PACS1: variants seen among roughly 807,000 people sequenced by gnomAD.
The protein encoded by PACS1 is phosphofurin acidic cluster sorting protein 1.
PACS1 carries 24 observed loss-of-function variants against 115.0 expected under a neutral mutation model. That is an observed-to-expected ratio of 0.21 (90% confidence interval 0.15 to 0.29). The LOEUF is 0.29. Among genes scored for constraint, PACS1 ranks in the 10% least tolerant of loss-of-function variants. The pLI is 1.00. For synonymous variants in PACS1, 453 were observed against 504.5 expected, an observed-to-expected ratio of 0.90 and a Z score of 1.37; for missense variants, 838 against 1,251.2, an observed-to-expected ratio of 0.67 and a Z score of 4.98.
rs550757996 is a variant in PACS1 at position 66,149,396 on chromosome 11, C to T, written c.357-44090C>T. ...TGTGAGCCACCATCCCCAGCCAACA[C>T]GCACTTTTTTTTCTTCAGCCTTTTA... On this transcript the variant is annotated intron_variant, in intron 1 of 23. Transcript: ENST00000320580. Among the ~76,000 whole-genome samples the T allele has an allele frequency of 1.8e-4, 28 of 152,044 alleles. No homozygotes were observed. In the South Asian group the frequency reaches 2.7e-3, roughly 15 times the overall value.
intron 2 of PACS1, among the ~76,000 whole-genome samples, chr11:66,203,201 A>G (rs1310083183): frequency 1.3e-5 from 2 of 152,184 alleles, no homozygotes; most frequent in South Asian, 2.1e-4. Flanking sequence ...TAGCATTTCT[A>G]TATGTCAACA....
chr11:66,108,269 C>A (rs1257527581), intron 1 of PACS1, among the ~76,000 whole-genome samples: 1 of 152,134 alleles, frequency 6.6e-6, no homozygotes, highest in Non-Finnish European at 1.5e-5. Flanking sequence ...TGTGGCCTTT[C>A]CTCTGTGCAC....
chr11:66,110,793 T>C (rs1420254702), intron 1 of PACS1, among the ~76,000 whole-genome samples: 2 of 152,120 alleles, frequency 1.3e-5, no homozygotes. Flanking sequence ...GGTCATGAAC[T>C]CCTGACCTCA....
Position 66,244,460 on chromosome 11 carries a change from C to G in PACS1, c.*1180C>G, listed in dbSNP as rs1385194302. 6.6e-6 allele frequency: 1 copy of G among 152,364 alleles called. No homozygotes were observed. Among genetic ancestry groups the G allele is most frequent in the East Asian group, 1.9e-4 (1 of 5,196 alleles). The allele number at this position is 152,364 out of a possible 1,614,324, so 9.4% of individuals were successfully genotyped here. On this transcript the variant is annotated 3_prime_UTR_variant, in exon 24 of 24. Coordinates refer to ENST00000320580, the MANE Select transcript of PACS1 (RefSeq NM_018026.4). The stretch of plus-strand genomic sequence containing the variant: ...TCAGGAGTGGTTGAGGACACAGGGC[C>G]CCAGCCCAGCCCTCTGCACCCCCCA...
intron 1 of PACS1, among the ~76,000 whole-genome samples, chr11:66,075,509 T>A (rs944651806): frequency 1.3e-5 from 2 of 152,212 alleles, no homozygotes; most frequent in African/African-American, 2.4e-5. Flanking sequence ...CTCGAAGTAC[T>A]GGGATACAGG....
rs749823750 is a variant in PACS1, at chr11:66,233,806, G to A, written c.1860G>A (p.Met620Ile). The A allele has an allele frequency of 6.2e-7, 1 of 1,613,820 alleles. No individual in the cohort carries two copies. The highest frequency in any genetic ancestry group is 1.1e-5 in the South Asian group (1 of 91,050). Reference sequence around the variant, plus strand: ...CCAGCTGCAACTGCAACTCTTCCATGCCGAGGCCAGTGAAGGTGGCTGCTG... The same window carrying A: ...CCAGCTGCAACTGCAACTCTTCCATACCGAGGCCAGTGAAGGTGGCTGCTG... ...IQRYCNCNSS[M>I]PRPVKVAAVG... The change falls in exon 16 of 24, where the codon ATG (methionine) becomes ATA (isoleucine). Residue 620 changes from methionine (M) to isoleucine (I), a missense_variant. Physicochemically the swap from Met to Ile is conservative, Grantham distance 10 (BLOSUM62 1). Coordinates refer to ENST00000320580, the MANE Select transcript of PACS1 (RefSeq NM_018026.4). The surrounding 1 kb of genome is among the most constrained non-coding windows in gnomAD (Gnocchi z 4.5).
chr11:66,232,992 G>T lies in PACS1; in HGVS notation c.1764G>T (p.Lys588Asn). The change falls in exon 15 of 24, where the codon AAG becomes AAT. Residue 588 changes from lysine (K) to asparagine (N), a missense_variant. Lys to Asn is a moderately conservative substitution (Grantham distance 94). Around this residue, in one of 6 missense-constraint regions of PACS1, gnomAD observed 383 missense variants for 537.0 expected, o/e 0.71. Transcript: ENST00000320580. ...CTGAGCTGCTCCAGGACCAGCGGAA[G>T]CCTGTGGTGTGCACCTGCTCCACCG... ...YVAELLQDQR[K>N]PVVCTCSTVE... 8 of 1,612,948 alleles carry T rather than the reference G, an allele frequency of 5.0e-6. No homozygotes were observed. Among genetic ancestry groups the T allele is most frequent in the Non-Finnish European group, 6.8e-6 (8 of 1,180,006 alleles).
At chr11:66,200,841 A>G (rs921136047) in intron 2 of PACS1, among the ~76,000 whole-genome samples, 2 of 150,546 alleles carry the variant, frequency 1.3e-5, no homozygotes, top group African/African-American at 5.0e-5. Flanking sequence ...TGCAGAATAC[A>G]CTTTTTTTTT....
chr11:66,084,587 G>A (rs965661298), intron 1 of PACS1, among the ~76,000 whole-genome samples: 2 of 152,138 alleles, frequency 1.3e-5, no homozygotes, highest in Non-Finnish European at 2.9e-5. Flanking sequence ...GGTGGTGGAG[G>A]TGGAGATGAG....
intron 2 of PACS1, among the ~76,000 whole-genome samples, chr11:66,201,660 T>G (rs931586549): frequency 6.6e-6 from 1 of 150,636 alleles, no homozygotes; most frequent in Non-Finnish European, 1.5e-5. Flanking sequence ...TTTTGGGTTT[T>G]TGTTTTTTTT....
chr11:66,087,161 A>G (rs773728804), intron 1 of PACS1, among the ~76,000 whole-genome samples: 1 of 152,018 alleles, frequency 6.6e-6, no homozygotes, highest in South Asian at 2.1e-4. Flanking sequence ...CTAGTTTCCT[A>G]ATTTCCAGCA....
chr11:66,154,593 T>A (rs561373), intron 1 of PACS1, among the ~76,000 whole-genome samples: 40,057 of 151,920 alleles, frequency 0.26, 6,007 homozygotes, highest in South Asian at 0.46. Flanking sequence ...GGAAAAAAAA[T>A]TTTAAGTATA....
chr11:66,093,751 C>G (rs1038223796), intron 1 of PACS1, among the ~76,000 whole-genome samples: 1 of 150,696 alleles, frequency 6.6e-6, no homozygotes, highest in Non-Finnish European at 1.5e-5. Context: ...ACATTTTTTT[C>G]AGCACCACAC....
intron 1 of PACS1, among the ~76,000 whole-genome samples, chr11:66,096,986 C>A (rs1489187449): frequency 6.6e-6 from 1 of 151,844 alleles, no homozygotes; most frequent in Non-Finnish European, 1.5e-5. Context: ...AGGCATGAGC[C>A]ACCACGCCCA....
intron 7 of PACS1, chr11:66,217,807 C>A: frequency 3.1e-6 from 1 of 326,788 alleles, no homozygotes. Context: ...TGTAGGATCT[C>A]TCTCTAGTCA....
chr11:66,224,537 T>C (rs9326370), intron 10 of PACS1, among the ~76,000 whole-genome samples: 70,310 of 152,048 alleles, frequency 0.46, 16,399 homozygotes, highest in Admixed American at 0.48. Context: ...TTATAATTCC[T>C]TAGTGCCATT....
At chr11:66,201,770 C>T (rs1215489048) in intron 2 of PACS1, among the ~76,000 whole-genome samples, 2 of 151,800 alleles carry the variant, frequency 1.3e-5, no homozygotes, top group Admixed American at 6.6e-5. Flanking sequence ...AGTGATTCTC[C>T]TGCCTCAGTC....
chr11:66,243,229 C>A lies in PACS1; in HGVS notation c.2841C>A (p.Thr947=). ...KFFQLAAQWP[T]HVKHFPVGLF... is the part of the protein sequence containing the mutation. ...TCCAGCTGGCAGCCCAGTGGCCCACCCATGTCAAGCACTTTCCAGTGGGAC... is the reference window on the plus strand; with the variant it reads ...TCCAGCTGGCAGCCCAGTGGCCCACACATGTCAAGCACTTTCCAGTGGGAC... Residue 947 remains threonine, a synonymous_variant, in exon 24 of 24, where the codon ACC becomes ACA. Coordinates refer to ENST00000320580, the MANE Select transcript of PACS1 (RefSeq NM_018026.4). The A allele has an allele frequency of 6.2e-7, 1 of 1,613,010 alleles. No individual in the cohort carries two copies. Among genetic ancestry groups the A allele is most frequent in the African/African-American group, 1.3e-5 (1 of 74,998 alleles).
At chr11:66,165,858 T>A (rs1364941536) in intron 1 of PACS1, among the ~76,000 whole-genome samples, 1 of 152,106 alleles carries the variant, frequency 6.6e-6, no homozygotes, top group Non-Finnish European at 1.5e-5. Context: ...ACCCGTCAGT[T>A]CTATCAGTGT....
Sources: allele counts gnomAD v4.1 joint callset (sites outside exome capture counted in the v4.1 genomes callset), GRCh38; gene constraint gnomAD v4.1.1; regional missense constraint gnomAD v4.1.1; non-coding constraint Gnocchi (gnomAD v3.1); transcripts MANE v1.5; gene names NCBI Gene and HGNC (gene_info 2026-07-23, HGNC 2026-07-21).